Variants in DNAH8 observed in about 807,000 individuals in gnomAD.
DNAH8 encodes the protein dynein axonemal heavy chain 8, also known as axonemal beta dynein heavy chain 8.
DNAH8 carries 382 observed loss-of-function variants against 562.1 expected under a neutral mutation model. That is an observed-to-expected ratio of 0.68 (90% CI 0.63 to 0.74). The LOEUF is 0.74. DNAH8 is among the 30% of genes least tolerant of loss of function. The probability of loss-of-function intolerance (pLI) is 0.00; values close to 1 mark genes in which losing one functional copy is unlikely to be tolerated. For missense variants in DNAH8, 5,203 were observed against 5,620.4 expected (o/e 0.93, Z 2.37); for synonymous variants, 1,881 against 1,919.4 (o/e 0.98, Z 0.52).
intron 7 of DNAH8, 75 bp from the exon 8 acceptor site, chr6:38,741,636 T>C: frequency 1.3e-5 from 17 of 1,307,988 alleles, no homozygotes; most frequent in Non-Finnish European, 1.8e-5. Flanking sequence ...TTCAGCTGCC[T>C]TCAAAAAGAT....
In DNAH8 at chr6:39,030,108, G is replaced by A. The variant is rs1767569956; in HGVS notation, c.13840G>A (p.Gly4614Ser). ...KEEITSPPGE[G>S]VYIYGLYMDG... ...ACCTTATGCTTGACTCTTCCAGGAA[G>A]GTGTGTATATTTATGGGCTCTACAT... The change falls in exon 93 of 93, where the codon GGT becomes AGT. Residue 4614 changes from glycine to serine, a missense_variant. Transcript: ENST00000327475. 6.2e-7 allele frequency: 1 copy of A among 1,611,032 alleles called. No individual in the cohort carries two copies. Among genetic ancestry groups the A allele is most frequent in the Admixed American group, 1.7e-5 (1 of 59,884 alleles).
intron 12 of DNAH8, among the ~76,000 whole-genome samples, chr6:38,771,661 G>A (rs1767590282): frequency 2.0e-5 from 3 of 152,104 alleles, no homozygotes; most frequent in Non-Finnish European, 4.4e-5. Flanking sequence ...GTCTTTTGTG[G>A]CTACTTTCAC....
chr6:38,791,829 C>A (rs1769778853), intron 21 of DNAH8, among the ~76,000 whole-genome samples, 155 bp downstream of exon 21: 1 of 151,780 alleles, frequency 6.6e-6, no homozygotes, highest in Non-Finnish European at 1.5e-5. Context: ...GACTTTCATG[C>A]CTTCAATAGC....
At chr6:38,759,887 A>G (rs1250833894) in intron 10 of DNAH8, among the ~76,000 whole-genome samples, 1 of 152,126 alleles carries the variant, frequency 6.6e-6, no homozygotes, top group African/African-American at 2.4e-5. Context: ...CTGCTTGCCC[A>G]TGCTGTGTTC....
chr6:38,878,355 A>G (rs184481830), intron 53 of DNAH8, among the ~76,000 whole-genome samples: 2 of 152,320 alleles, frequency 1.3e-5, no homozygotes, highest in Non-Finnish European at 2.9e-5. Flanking sequence ...ACAGCACTTT[A>G]TGTCTTTACT....
chr6:38,982,001 G>A (rs546520115), intron 85 of DNAH8, among the ~76,000 whole-genome samples: 1 of 152,168 alleles, frequency 6.6e-6, no homozygotes, highest in South Asian at 2.1e-4. Flanking sequence ...ACCTACCATT[G>A]TGTTACAGTT....
At chr6:38,870,656 G>A (rs528032315) in intron 49 of DNAH8, 94 bp downstream of exon 49, 444 of 1,254,446 alleles carry the variant, frequency 3.5e-4, no homozygotes, top group Non-Finnish European at 4.6e-4. Context: ...CTTACTTGAT[G>A]TAAATGTTAA....
intron 30 of DNAH8, among the ~76,000 whole-genome samples, chr6:38,830,776 C>T (rs1773771807): frequency 6.6e-6 from 1 of 151,788 alleles, no homozygotes; most frequent in African/African-American, 2.4e-5. Context: ...TATACTGAAG[C>T]AAGACATAAC....
intron 79 of DNAH8, among the ~76,000 whole-genome samples, chr6:38,945,183 A>C (rs531340032): frequency 3.3e-5 from 5 of 152,334 alleles, no homozygotes; most frequent in South Asian, 2.1e-4. Flanking sequence ...AGGTTGTTAA[A>C]AAATAAAAAG....
chr6:39,030,407 G>A lies in DNAH8; in HGVS notation c.*15G>A, dbSNP rs747959440. 28 of 1,607,938 alleles carry A rather than the reference G, an allele frequency of 1.7e-5. No homozygotes were observed. Among genetic ancestry groups the A allele is most frequent in the Non-Finnish European group, 2.2e-5 (26 of 1,176,324 alleles). Reference sequence around the variant, plus strand: ...ACATCAAGTAAGTTCATTTCCATCTGCTCAGGGCACCAGAACCCACATAGA... The same window carrying A: ...ACATCAAGTAAGTTCATTTCCATCTACTCAGGGCACCAGAACCCACATAGA... On this transcript the variant is annotated 3_prime_UTR_variant, in exon 93 of 93. Coordinates refer to ENST00000327475, the MANE Select transcript of DNAH8 (RefSeq NM_001206927.2).
intron 78 of DNAH8, 119 bp downstream of exon 78, chr6:38,938,345 GC>G: frequency 8.4e-7 from 1 of 1,185,378 alleles, no homozygotes. Context: ...CAACCTAAAT[GC>G]CCATCAACAG....
At chr6:38,768,790 C>T (rs906469732) in intron 11 of DNAH8, among the ~76,000 whole-genome samples, 2 of 152,052 alleles carry the variant, frequency 1.3e-5, no homozygotes, top group South Asian at 4.2e-4. Context: ...TTCTTGCTCC[C>T]CTCATACCCA....
intron 86 of DNAH8, among the ~76,000 whole-genome samples, chr6:38,982,992 A>ATTAT (rs796125902): frequency 2.6e-5 from 4 of 152,270 alleles, no homozygotes; most frequent in African/African-American, 4.8e-5. Context: ...AAAAGGCATT[A>ATTAT]TTATTTATTT....
At chr6:38,765,458 G>A (rs1738177) in intron 11 of DNAH8, among the ~76,000 whole-genome samples, 89,193 of 151,964 alleles carry the variant, frequency 0.59, 26,885 homozygotes, top group East Asian at 0.82. Context: ...ATCCACTTTA[G>A]GTTGACTTTT....
intron 62 of DNAH8, among the ~76,000 whole-genome samples, chr6:38,904,898 C>T (rs1296459555): frequency 6.6e-6 from 1 of 151,858 alleles, no homozygotes; most frequent in East Asian, 1.9e-4. Flanking sequence ...GTGCACAAGC[C>T]ACATTGCATT....
In DNAH8 at chr6:38,772,971, C is replaced by CTTT. The variant is rs58784448; in HGVS notation, c.1764+2437_1764+2439dup. On this transcript the variant is annotated intron_variant, in intron 12 of 92. Coordinates refer to ENST00000327475, the MANE Select transcript of DNAH8 (RefSeq NM_001206927.2). ...ATACCACCATGCCTAGCTAATTAAA[C>CTTT]TTTTTTTTTTTTTTTTTTTTTTTTT... Among the ~76,000 whole-genome samples the CTTT allele has an allele frequency of 7.3e-3, 644 of 88,020 alleles. 100 individuals are homozygous for CTTT. Among genetic ancestry groups the CTTT allele is most frequent in the African/African-American group, 0.03 (591 of 19,386 alleles). The allele number at this position is 88,020 out of a possible 152,430, so 57.7% of individuals were successfully genotyped here. A position where few individuals can be genotyped will look rare whatever the true frequency, so the allele number is the denominator to read the frequency against.
At position 39,026,659 on chromosome 6, in the gene DNAH8, C is replaced by T. The variant is rs752568525; in HGVS notation, c.13828C>T (p.Pro4610Ser). The change falls in exon 92 of 93, where the codon CCC becomes TCC. Residue 4610 changes from proline (P) to serine (S), a missense_variant. Transcript: ENST00000327475. ...ACAGACCAAGGAGGAGATCACGTCA[C>T]CCCCTGGGGTAGGCGTTGCTGGGCA... is the stretch of plus-strand genomic sequence containing the variant. ...LRQTKEEITSPPGEGVYIYGL... is the reference protein window; with the variant it reads ...LRQTKEEITSSPGEGVYIYGL... 1 of 1,613,012 alleles carries T rather than the reference C, an allele frequency of 6.2e-7. No individual in the cohort carries two copies. Among genetic ancestry groups the T allele is most frequent in the Admixed American group, 1.7e-5 (1 of 59,934 alleles).
intron 10 of DNAH8, among the ~76,000 whole-genome samples, chr6:38,756,559 G>A (rs1345751013): frequency 6.6e-6 from 1 of 151,974 alleles, no homozygotes; most frequent in Non-Finnish European, 1.5e-5. Flanking sequence ...TAGGGTACAT[G>A]TGCATAATGT....
At chr6:39,020,608 T>C (rs1347921027) in intron 91 of DNAH8, among the ~76,000 whole-genome samples, 1 of 152,228 alleles carries the variant, frequency 6.6e-6, no homozygotes, top group Admixed American at 6.5e-5. Context: ...GGTGGTTTGC[T>C]GCACCTATCA....
Sources: gnomAD v4.1 joint callset for allele counts (sites outside exome capture counted in the v4.1 genomes callset) on GRCh38, gnomAD v4.1.1 for gene constraint, MANE v1.5 for transcripts, NCBI Gene and HGNC (gene_info 2026-07-23, HGNC 2026-07-21) for gene names.